TEC: variants seen among roughly 807,000 people sequenced by gnomAD.
TEC encodes the protein tec protein tyrosine kinase.
Under a neutral mutation model 93.0 loss-of-function variants are expected in TEC, and 72 were observed. The ratio of observed to expected loss-of-function variants is 0.77; its 90% CI spans 0.64 to 0.94. The LOEUF (loss-of-function observed/expected upper bound fraction) is 0.94. Among genes scored for constraint, TEC ranks in the 40% least tolerant of loss-of-function variants. TEC has a pLI of 0.00. For missense variants in TEC, 630 were observed against 757.9 expected (o/e 0.83, Z 1.98); for synonymous variants, 249 against 247.7 (o/e 1.01, Z -0.05).
At chr4:48,239,725 C>A (rs1417143310) in intron 1 of TEC, among the ~76,000 whole-genome samples, 1 of 151,586 alleles carries the variant, frequency 6.6e-6, no homozygotes, top group Non-Finnish European at 1.5e-5. Context: ...TTAGTACATT[C>A]AATTTTTTTT....
At chr4:48,182,535 C>CTGTGTGTGTGTGTG (rs60434609) in intron 2 of TEC, among the ~76,000 whole-genome samples, 369 of 147,328 alleles carry the variant, frequency 2.5e-3, no homozygotes, top group Non-Finnish European at 4.5e-3. Context: ...GGGCAATACT[C>CTGTGTGTGTGTGTG]TGTGTGTGTG....
chr4:48,257,418 G>C (rs1460342165), intron 1 of TEC, among the ~76,000 whole-genome samples: 20 of 150,900 alleles, frequency 1.3e-4, no homozygotes, highest in Non-Finnish European at 2.2e-4. Flanking sequence ...TTTCTTTCTA[G>C]GTTGTCCAGC....
chr4:48,212,525 A>G (rs535351717), intron 2 of TEC, among the ~76,000 whole-genome samples: 6 of 152,318 alleles, frequency 3.9e-5, no homozygotes, highest in African/African-American at 1.4e-4. Context: ...CCGTGGGCAA[A>G]TCTGTGGGTT....
At chr4:48,180,109 T>TA (rs1721524396) in intron 2 of TEC, among the ~76,000 whole-genome samples, 1 of 152,162 alleles carries the variant, frequency 6.6e-6, no homozygotes, top group South Asian at 2.1e-4. Flanking sequence ...CTGTGATATA[T>TA]AATCTCCTAA....
intron 8 of TEC, among the ~76,000 whole-genome samples, chr4:48,159,554 AT>A (rs1167143169): frequency 0.026 from 3,383 of 129,886 alleles, 112 homozygotes; most frequent in African/African-American, 0.089. Flanking sequence ...CACCACGCTA[AT>A]TTTTTTTTTT....
chr4:48,201,270 G>A (rs1722497602), intron 2 of TEC, among the ~76,000 whole-genome samples: 2 of 152,080 alleles, frequency 1.3e-5, no homozygotes, highest in African/African-American at 4.8e-5. Flanking sequence ...CAGGGGTGGG[G>A]GACATCTTGA....
At chr4:48,155,042 C>T (rs980109256) in intron 9 of TEC, among the ~76,000 whole-genome samples, 1 of 152,100 alleles carries the variant, frequency 6.6e-6, no homozygotes, top group Non-Finnish European at 1.5e-5. Context: ...CTACTGGGAA[C>T]CTAAAGCCTT....
chr4:48,217,837 G>C (rs1054891289), intron 2 of TEC, among the ~76,000 whole-genome samples: 2 of 151,296 alleles, frequency 1.3e-5, no homozygotes, highest in Non-Finnish European at 2.9e-5. Context: ...GTATATCAAT[G>C]TTAAATGTCT....
intron 11 of TEC, among the ~76,000 whole-genome samples, chr4:48,148,892 T>C (rs983640554): frequency 6.6e-5 from 10 of 151,872 alleles, no homozygotes; most frequent in Non-Finnish European, 1.5e-5. Context: ...TTCCTATTAT[T>C]TAGCTTCCAC....
chr4:48,149,415 C>T (rs1720063342), intron 11 of TEC, 142 bp downstream of exon 11: 6 of 809,650 alleles, frequency 7.4e-6, no homozygotes, highest in Non-Finnish European at 1.1e-5. Context: ...ATATATCATT[C>T]CTTTAATATG....
At chr4:48,149,800 T>C (rs1459260719) in intron 10 of TEC, 110 bp from the exon 11 acceptor site, 1 of 1,062,528 alleles carries the variant, frequency 9.4e-7, no homozygotes, top group Non-Finnish European at 1.3e-6. Context: ...ATCCCATCTA[T>C]TCCTGGCACA....
chr4:48,170,872 G>A (rs1050850264), intron 4 of TEC, among the ~76,000 whole-genome samples: 3 of 152,142 alleles, frequency 2.0e-5, no homozygotes, highest in Admixed American at 6.5e-5. Flanking sequence ...CCAACATGGT[G>A]AAACCCTGTC....
intron 8 of TEC, among the ~76,000 whole-genome samples, chr4:48,162,138 A>T (rs1254489466): frequency 6.6e-6 from 1 of 152,236 alleles, no homozygotes; most frequent in African/African-American, 2.4e-5. Context: ...AAAACAGAAC[A>T]TGGAGTAGGA....
At position 48,197,260 on chromosome 4, in the gene TEC, G is replaced by T. The variant is rs1020907733; in HGVS notation, c.139-21074C>A. 3.3e-5 allele frequency among the ~76,000 whole-genome samples: 5 copies of T among 152,150 alleles called. 1 individual carries two copies. The highest frequency in any genetic ancestry group is 5.9e-5 in the Non-Finnish European group (4 of 68,036). ...CTGGGAATCAGGCTGCATGGGCTGG[G>T]GTCCCAGCTCTGCCACATGCTCACT... is the stretch of plus-strand genomic sequence containing the variant. On this transcript the variant is annotated intron_variant, in intron 2 of 17. Transcript: ENST00000381501.
At chr4:48,161,925 G>A (rs1364926963) in intron 8 of TEC, among the ~76,000 whole-genome samples, 4 of 152,288 alleles carry the variant, frequency 2.6e-5, no homozygotes. Context: ...TGGACTCCAA[G>A]TTCTTCAGCT....
At chr4:48,145,651 G>T in intron 12 of TEC, 72 bp from the exon 13 acceptor site, 1 of 1,526,414 alleles carries the variant, frequency 6.6e-7, no homozygotes, top group Non-Finnish European at 9.0e-7. Flanking sequence ...GGGGGAAAAA[G>T]AACCTACAAC....
At chr4:48,176,049 G>A (rs1423471688) in intron 3 of TEC, 33 bp downstream of exon 3, 2 of 1,511,126 alleles carry the variant, frequency 1.3e-6, no homozygotes, top group African/African-American at 2.7e-5. Context: ...ACTAAGCCCA[G>A]CACTGCACTG....
chr4:48,230,893 A>G (rs1723626969), intron 1 of TEC, among the ~76,000 whole-genome samples: 1 of 152,210 alleles, frequency 6.6e-6, no homozygotes, highest in African/African-American at 2.4e-5. Context: ...AATGGCTCCT[A>G]TTAATTAAAA....
chr4:48,237,029 T>A (rs535866986), intron 1 of TEC, among the ~76,000 whole-genome samples: 220 of 152,204 alleles, frequency 1.4e-3, no homozygotes, highest in African/African-American at 5.1e-3. Flanking sequence ...AATTAAAAAA[T>A]AAAATTAAAA....
Sources: gnomAD v4.1 joint callset for allele counts (sites outside exome capture counted in the v4.1 genomes callset) on GRCh38, gnomAD v4.1.1 for gene constraint, MANE v1.5 for transcripts, NCBI Gene and HGNC (gene_info 2026-07-23, HGNC 2026-07-21) for gene names.